Variants in SLC25A48 observed in about 807,000 individuals in gnomAD.
SLC25A48 encodes solute carrier family 25 member 48.
Under a neutral mutation model 32.2 loss-of-function variants are expected in SLC25A48, and 29 were observed. The observed-to-expected ratio is 0.90, with a 90% confidence interval of 0.67 to 1.23. SLC25A48 has a LOEUF of 1.23. Ranked by LOEUF, SLC25A48 falls within the 50% of genes most tolerant of loss-of-function variation. The pLI is 0.00. For synonymous variants in SLC25A48, 164 were observed against 172.3 expected (o/e 0.95, Z 0.38); for missense variants, 399 against 422.7 (o/e 0.94, Z 0.49).
intron 3 of SLC25A48, among the ~76,000 whole-genome samples, chr5:135,719,932 C>T (rs537086947): frequency 2.8e-4 from 42 of 152,358 alleles, no homozygotes; most frequent in African/African-American, 8.9e-4. Context: ...TACCTGCGGG[C>T]AGGGCATGGC....
chr5:135,691,719 A>T (rs1754147250), intron 3 of SLC25A48, among the ~76,000 whole-genome samples: 1 of 152,164 alleles, frequency 6.6e-6, no homozygotes, highest in Non-Finnish European at 1.5e-5. Context: ...AAAACCAAAG[A>T]TGCTGGATTT....
intron 3 of SLC25A48, among the ~76,000 whole-genome samples, chr5:135,723,380 T>TCTCTCACACACACACACACA (rs1356362581): frequency 1.8e-5 from 2 of 111,714 alleles, no homozygotes; most frequent in Non-Finnish European, 3.7e-5. Flanking sequence ...TCTCTCTCTC[T>TCTCTCACACACACACACACA]CACACACACA....
At chr5:135,817,302 T>C (rs1380625474) in intron 4 of SLC25A48, among the ~76,000 whole-genome samples, 1 of 152,196 alleles carries the variant, frequency 6.6e-6, no homozygotes, top group Non-Finnish European at 1.5e-5. Flanking sequence ...AAAGTATCAA[T>C]AGTGCCAAGG....
At chr5:135,760,181 A>G (rs911238635) in intron 3 of SLC25A48, among the ~76,000 whole-genome samples, 5 of 152,098 alleles carry the variant, frequency 3.3e-5, no homozygotes, top group Non-Finnish European at 5.9e-5. Flanking sequence ...ACCTCTTGTT[A>G]TACACTTTAT....
intron 3 of SLC25A48, among the ~76,000 whole-genome samples, chr5:135,689,665 C>T (rs1580787126): frequency 6.6e-6 from 1 of 152,166 alleles, no homozygotes; most frequent in East Asian, 1.9e-4. Flanking sequence ...TCCTAAAACT[C>T]CATTGTGCCG....
intron 3 of SLC25A48, among the ~76,000 whole-genome samples, chr5:135,776,393 G>A (rs1237683708): frequency 6.6e-6 from 1 of 151,820 alleles, no homozygotes. Context: ...CGTGGGGAAT[G>A]TACACACCTT....
chr5:135,765,873 T>C (rs11242265), intron 3 of SLC25A48, among the ~76,000 whole-genome samples: 45,658 of 151,330 alleles, frequency 0.3, 7,009 homozygotes, highest in East Asian at 0.45. Flanking sequence ...ATTCCCCACA[T>C]TGCAGGGGGC....
chr5:135,603,796 G>T (rs1383241325), intron 1 of SLC25A48, among the ~76,000 whole-genome samples: 1 of 152,146 alleles, frequency 6.6e-6, no homozygotes, highest in African/African-American at 2.4e-5. Flanking sequence ...GCTAGAAGAG[G>T]CCTCACTGTC....
chr5:135,851,571 CGTGT>C (rs147319534), intron 3 of SLC25A48, among the ~76,000 whole-genome samples: 6 of 148,002 alleles, frequency 4.1e-5, no homozygotes, highest in Non-Finnish European at 6.0e-5. Flanking sequence ...GGTGTGTTCA[CGTGT>C]GTGTGTGTGC....
intron 4 of SLC25A48, among the ~76,000 whole-genome samples, chr5:135,864,827 A>C (rs767843025): frequency 9.2e-5 from 14 of 152,220 alleles, no homozygotes; most frequent in Non-Finnish European, 1.9e-4. Context: ...GCAATTGACA[A>C]CAGCAAGTAT....
At chr5:135,786,724 C>A (rs992546221) in intron 3 of SLC25A48, among the ~76,000 whole-genome samples, 1 of 151,698 alleles carries the variant, frequency 6.6e-6, no homozygotes, top group African/African-American at 2.4e-5. Context: ...TTTGTAATAT[C>A]CTGGCGAGAT....
chr5:135,609,936 G>C lies in SLC25A48; in HGVS notation c.-848-19301G>C, dbSNP rs563741072. On this transcript the variant is annotated intron_variant, in intron 1 of 10. Transcript: ENST00000646290. ...TTTTAATTGCACATCTATTTTTACT[G>C]TTTGATTTTTTAAACCACGTGCATA... Among the ~76,000 whole-genome samples the C allele has an allele frequency of 3.9e-5, 6 of 152,292 alleles. No individual in the cohort carries two copies. In the South Asian group the frequency reaches 1.0e-3, roughly 26 times the overall value.
At position 135,624,654 on chromosome 5, in the gene SLC25A48, G is replaced by C. The variant is rs569771182; in HGVS notation, c.-848-4583G>C. On this transcript the variant is annotated intron_variant, in intron 1 of 10. Coordinates refer to the SLC25A48 transcript ENST00000646290. ...TTATGGGTCTTCTTAAATGAGTACT[G>C]GCAAGGTGGGGAACCCCTTAAATTA... Among the ~76,000 whole-genome samples, 10 of 152,230 alleles carry C rather than the reference G, an allele frequency of 6.6e-5. No homozygotes were observed. In the South Asian group the frequency reaches 2.1e-3, roughly 32 times the overall value.
At chr5:135,632,040 G>A (rs1752587135) in intron 2 of SLC25A48, among the ~76,000 whole-genome samples, 1 of 152,218 alleles carries the variant, frequency 6.6e-6, no homozygotes, top group Non-Finnish European at 1.5e-5. Context: ...GGCCTCCTGA[G>A]GATGAGGATG....
At chr5:135,726,660 T>C (rs1304271645) in intron 3 of SLC25A48, among the ~76,000 whole-genome samples, 1 of 152,248 alleles carries the variant, frequency 6.6e-6, no homozygotes, top group Non-Finnish European at 1.5e-5. Context: ...TTCCTTTTTA[T>C]TGCTGAGTAG....
intron 3 of SLC25A48, among the ~76,000 whole-genome samples, chr5:135,749,091 C>T (rs941334477): frequency 2.0e-5 from 3 of 152,148 alleles, no homozygotes; most frequent in Admixed American, 6.5e-5. Flanking sequence ...CTGGCGGGCT[C>T]CTCCTAGCTG....
At chr5:135,655,477 C>T (rs1488914699) in intron 3 of SLC25A48, among the ~76,000 whole-genome samples, 2 of 152,142 alleles carry the variant, frequency 1.3e-5, no homozygotes, top group East Asian at 3.9e-4. Flanking sequence ...TTGTCTATCG[C>T]GTCTAATTCC....
chr5:135,769,051 A>G (rs1215351512), intron 3 of SLC25A48, among the ~76,000 whole-genome samples: 1 of 151,664 alleles, frequency 6.6e-6, no homozygotes, highest in Non-Finnish European at 1.5e-5. Context: ...GGAAGAGGAT[A>G]ATATTACTCC....
chr5:135,698,841 T>C (rs1754326286), intron 3 of SLC25A48, among the ~76,000 whole-genome samples: 1 of 152,218 alleles, frequency 6.6e-6, no homozygotes, highest in African/African-American at 2.4e-5. Context: ...TTAAAACTTC[T>C]GTGGATCAGA....
Sources: gnomAD v4.1 joint callset for allele counts (sites outside exome capture counted in the v4.1 genomes callset) on GRCh38, gnomAD v4.1.1 for gene constraint, MANE v1.5 for transcripts, NCBI Gene and HGNC (gene_info 2026-07-23, HGNC 2026-07-21) for gene names.